The following NOS2 variants were observed in gnomAD, a reference collection of about 807,000 sequenced individuals.
The protein encoded by NOS2 is nitric oxide synthase, inducible.
In NOS2, 96 loss-of-function variants were observed where a neutral mutation model predicts 136.0. The ratio of observed to expected loss-of-function variants is 0.71; its 90% CI spans 0.60 to 0.84. NOS2 has a LOEUF of 0.84. NOS2 is among the 40% of genes least tolerant of loss of function. The pLI is 0.00. For synonymous variants in NOS2, 539 were observed against 587.5 expected (o/e 0.92, Z 1.20); for missense variants, 1,237 against 1,496.9 (o/e 0.83, Z 2.87).
intron 1 of NOS2, 101 bp from the exon 2 acceptor site, chr17:27,798,983 C>T: frequency 1.7e-6 from 1 of 600,754 alleles, no homozygotes; most frequent in South Asian, 2.1e-5. Context: ...TGAACGCCAG[C>T]ATGAGCCCCT....
In NOS2 at chr17:27,779,008, T is replaced by C. The variant is rs1267470492; in HGVS notation, c.1053A>G (p.Ala351=). ...ELELKWYALP[A]VANMLLEVGG... is the part of the protein sequence containing the mutation. ...CCACCTCAAGCAGCATGTTGGCCAC[T>C]GCAGGCAGGGCGTACCACTTTAGCT... is the stretch of plus-strand genomic sequence containing the variant. The change falls in exon 10 of 27, where the codon GCA becomes GCG. Residue 351 remains alanine, a synonymous_variant. Coordinates refer to ENST00000313735, the MANE Select transcript of NOS2 (RefSeq NM_000625.4). The C allele has an allele frequency of 1.2e-6, 2 of 1,609,220 alleles. No individual in the cohort carries two copies. Among genetic ancestry groups the C allele is most frequent in the Admixed American group, 1.7e-5 (1 of 59,462 alleles).
chr17:27,788,848 C>T lies in NOS2; in HGVS notation c.279G>A (p.Gly93=). The stretch of plus-strand genomic sequence containing the variant: ...GGTGAAGTGTGTCTTGGAAAGTCAT[C>T]CCGCTGCCCCAGTTTTTGATCCTCA... ...RHVRIKNWGS[G]MTFQDTLHHK... is the part of the protein sequence containing the mutation. Residue 93 remains glycine (G), a synonymous_variant, in exon 4 of 27, where the codon GGG becomes GGA. Coordinates refer to ENST00000313735, the MANE Select transcript of NOS2 (RefSeq NM_000625.4). 6.2e-7 allele frequency: 1 copy of T among 1,614,178 alleles called. No individual in the cohort carries two copies. Among genetic ancestry groups the T allele is most frequent in the African/African-American group, 1.3e-5 (1 of 75,070 alleles).
chr17:27,766,508 A>C lies in NOS2; in HGVS notation c.2246+2T>G. 1 of 1,612,822 alleles carries C rather than the reference A, an allele frequency of 6.2e-7. No homozygotes were observed. Among genetic ancestry groups the C allele is most frequent in the South Asian group, 1.1e-5 (1 of 91,064 alleles). On this transcript the variant is annotated splice_donor_variant, in intron 19 of 26. Transcript: ENST00000313735. LOFTEE classifies it high-confidence loss of function. ...CCCACGAAGCCCTGCACTTTCCCTT[A>C]CCTGGATGTCGGACTTTGTAGATTC...
In NOS2 at chr17:27,789,531, T is replaced by G. The variant is rs567551589; in HGVS notation, c.195+73A>C. 6.2e-5 allele frequency: 75 copies of G among 1,204,216 alleles called. 1 individual carries two copies. In the East Asian group the frequency reaches 1.6e-3, roughly 26 times the overall value. The allele number at this position is 1,204,216 out of a possible 1,614,324, so 74.6% of individuals were successfully genotyped here. On this transcript the variant is annotated intron_variant, in intron 3 of 26. Transcript: ENST00000313735. ...CTTCCTGCCCTCTCCAGCCCAGCTC[T>G]AACAGGCTGCTATGTCTGCATCTGC... is the stretch of plus-strand genomic sequence containing the variant.
At chr17:27,761,109 G>A (rs767235079) in intron 23 of NOS2, 35 bp downstream of exon 23, 15 of 1,510,282 alleles carry the variant, frequency 9.9e-6, no homozygotes, top group South Asian at 5.2e-5. Context: ...AGGGGTCGGC[G>A]GCCCCACAGG....
chr17:27,793,404 G>A lies in NOS2; in HGVS notation c.111-3716C>T, dbSNP rs148021002. Among the ~76,000 whole-genome samples the A allele has an allele frequency of 1.5e-3, 229 of 152,296 alleles. 1 individual carries two copies. The highest frequency in any genetic ancestry group is 0.01 in the Middle Eastern group (3 of 294). The stretch of plus-strand genomic sequence containing the variant: ...AGTGCATGGGGGGTTTCTCTGGGCC[G>A]CCTGGGCTCCTGAATTGCGACCTCT... On this transcript the variant is annotated intron_variant, in intron 2 of 26. Coordinates refer to ENST00000313735, the MANE Select transcript of NOS2 (RefSeq NM_000625.4).
rs189671022 is a variant in NOS2 at position 27,763,568 on chromosome 17, G to A, written c.2592+413C>T. ...ACCAGACAGTTGCAGGTGAGTTAAC[G>A]CATTCTCTCATTAACTTATTAATTC... is the stretch of plus-strand genomic sequence containing the variant. On this transcript the variant is annotated intron_variant, in intron 21 of 26. Transcript: ENST00000313735. Among the ~76,000 whole-genome samples the A allele has an allele frequency of 6.7e-4, 102 of 152,144 alleles. 1 individual carries two copies. Among genetic ancestry groups the A allele is most frequent in the Non-Finnish European group, 1.3e-3 (86 of 68,024 alleles).
At chr17:27,798,986 G>A (rs1225121275) in intron 1 of NOS2, 104 bp from the exon 2 acceptor site, 7 of 600,542 alleles carry the variant, frequency 1.2e-5, no homozygotes, top group Non-Finnish European at 1.5e-5. Context: ...ACGCCAGCAT[G>A]AGCCCCTTCA....
rs371929273 is a variant in NOS2, at chr17:27,759,062, T to C, written c.3173A>G (p.Asp1058Gly). The change falls in exon 26 of 27, where the codon GAC becomes GGC. Residue 1058 changes from aspartate to glycine, a missense_variant. Physicochemically the swap from Asp to Gly is moderately conservative, Grantham distance 94. Coordinates refer to ENST00000313735, the MANE Select transcript of NOS2 (RefSeq NM_000625.4). ...LPGKPKVYVQ[D>G]ILRQQLASEV... ...GCTGGCCAGCTGCTGCCGCAGGATG[T>C]CCTGAACATAGACCTGAAACCAGAG... 4.4e-6 allele frequency: 7 copies of C among 1,599,082 alleles called. No homozygotes were observed. Among genetic ancestry groups the C allele is most frequent in the Non-Finnish European group, 6.0e-6 (7 of 1,173,478 alleles).
intron 18 of NOS2, 105 bp downstream of exon 18, chr17:27,767,600 G>A (rs1908346403): frequency 1.5e-6 from 2 of 1,367,802 alleles, no homozygotes; most frequent in Admixed American, 2.4e-5. Context: ...GAGGCCCCGA[G>A]GCCAGCTGTC....
intron 9 of NOS2, among the ~76,000 whole-genome samples, chr17:27,779,288 CTTATTATTATTATTA>C (rs140152355): frequency 1.1e-3 from 149 of 139,470 alleles, no homozygotes; most frequent in African/African-American, 2.7e-3. Context: ...AATTTTTTTC[CTTATTATTATTATTA>C]TTATTATTAT....
intron 15 of NOS2, 123 bp from the exon 16 acceptor site, chr17:27,769,707 GT>G: frequency 1.2e-6 from 1 of 824,406 alleles, no homozygotes; most frequent in Non-Finnish European, 2.1e-6. Context: ...ACGGAAGTTG[GT>G]TTACATATGG....
intron 2 of NOS2, among the ~76,000 whole-genome samples, chr17:27,792,659 AG>A (rs1302188459): frequency 6.6e-6 from 1 of 151,908 alleles, no homozygotes; most frequent in East Asian, 1.9e-4. Context: ...CGGGGTCCTG[AG>A]GACCCTCAAG....
intron 25 of NOS2, among the ~76,000 whole-genome samples, chr17:27,759,653 A>T (rs1908049777): frequency 6.6e-6 from 1 of 152,052 alleles, no homozygotes; most frequent in Admixed American, 6.5e-5. Context: ...GGCCCTGGGG[A>T]CAGAAGAGCC....
intron 5 of NOS2, among the ~76,000 whole-genome samples, chr17:27,785,287 A>G (rs1053183881): frequency 1.3e-5 from 2 of 152,182 alleles, no homozygotes; most frequent in African/African-American, 2.4e-5. Context: ...AATAAATAAC[A>G]TAAGTACTGT....
intron 2 of NOS2, among the ~76,000 whole-genome samples, chr17:27,797,971 C>A (rs1342220709): frequency 6.6e-6 from 1 of 152,056 alleles, no homozygotes; most frequent in Non-Finnish European, 1.5e-5. Flanking sequence ...TTCAAAGAGC[C>A]GCCACAGAGA....
intron 13 of NOS2, 81 bp from the exon 14 acceptor site, chr17:27,772,533 G>A: frequency 6.5e-7 from 1 of 1,537,692 alleles, no homozygotes; most frequent in Non-Finnish European, 8.9e-7. Context: ...GGAATGGGAG[G>A]GGACAGCGTT....
At chr17:27,765,475 C>T (rs1908266603) in intron 20 of NOS2, 60 bp downstream of exon 20, 5 of 1,483,852 alleles carry the variant, frequency 3.4e-6, no homozygotes, top group East Asian at 4.7e-5. Flanking sequence ...CTCAGCCCCT[C>T]AGCCAGGTGG....
chr17:27,767,183 C>A (rs1908332259), intron 18 of NOS2, among the ~76,000 whole-genome samples: 1 of 152,164 alleles, frequency 6.6e-6, no homozygotes, highest in Non-Finnish European at 1.5e-5. Context: ...TATGCAGAAA[C>A]CTTCAGGACT....
Sources: gnomAD v4.1 joint callset for allele counts (sites outside exome capture counted in the v4.1 genomes callset) on GRCh38, gnomAD v4.1.1 for gene constraint, MANE v1.5 for transcripts, NCBI Gene and HGNC (gene_info 2026-07-23, HGNC 2026-07-21) for gene names.